The following RARS2 variants were observed in gnomAD, a reference collection of about 807,000 sequenced individuals.
RARS2 encodes the protein probable arginine--tRNA ligase, mitochondrial.
RARS2 carries 67 observed loss-of-function variants against 88.5 expected under a neutral mutation model. That is an observed-to-expected ratio of 0.76 (90% CI 0.62 to 0.93). The LOEUF (loss-of-function observed/expected upper bound fraction) is 0.93, where lower values mean the gene tolerates loss of function less well. Among genes scored for constraint, RARS2 ranks in the 40% least tolerant of loss-of-function variants. The pLI is 0.00. For synonymous variants in RARS2, 239 were observed against 230.3 expected, an observed-to-expected ratio of 1.04 and a Z score of -0.34; for missense variants, 664 against 684.2, an observed-to-expected ratio of 0.97 and a Z score of 0.33.
chr6:87,533,205 T>C (rs560403840), intron 8 of RARS2, among the ~76,000 whole-genome samples: 1 of 152,298 alleles, frequency 6.6e-6, no homozygotes, highest in African/African-American at 2.4e-5. Context: ...TTATGCATTA[T>C]GATATGACTA....
At chr6:87,545,485 G>GAA (rs67446155) in intron 7 of RARS2, 131 bp downstream of exon 7, 1,638 of 976,670 alleles carry the variant, frequency 1.7e-3, no homozygotes, top group African/African-American at 6.6e-3. Context: ...AGCCATTAGG[G>GAA]AAAAAAAAAA....
In RARS2 at chr6:87,545,703, G is replaced by C; in HGVS notation, c.452-4C>G. 2 of 1,612,240 alleles carry C rather than the reference G, an allele frequency of 1.2e-6. No homozygotes were observed. Among genetic ancestry groups the C allele is most frequent in the Non-Finnish European group, 1.7e-6 (2 of 1,179,100 alleles). ...TTGAGATTTGCTATAAAATTTCCTA[G>C]TAATCAATAAAGTATATAGTTTCTC... On this transcript the variant is annotated splice_region_variant and splice_polypyrimidine_tract_variant and intron_variant, in intron 6 of 19. Transcript: ENST00000369536.
chr6:87,522,155 C>T (rs907373300), intron 11 of RARS2, among the ~76,000 whole-genome samples: 1 of 151,946 alleles, frequency 6.6e-6, no homozygotes, highest in African/African-American at 2.4e-5. Context: ...CATGGTGAAA[C>T]CCCGTCTCTA....
At chr6:87,549,544 T>C (rs1270837950) in intron 5 of RARS2, among the ~76,000 whole-genome samples, 1 of 148,944 alleles carries the variant, frequency 6.7e-6, no homozygotes, top group Non-Finnish European at 1.5e-5. Flanking sequence ...AGATTCTGTC[T>C]GTAAAATTAA....
intron 4 of RARS2, among the ~76,000 whole-genome samples, chr6:87,560,149 T>C (rs932940034): frequency 6.6e-6 from 1 of 152,254 alleles, no homozygotes; most frequent in African/African-American, 2.4e-5. Flanking sequence ...TAACACCTAA[T>C]TATCTTTTTA....
chr6:87,544,387 G>C (rs1419432454), intron 7 of RARS2, among the ~76,000 whole-genome samples: 2 of 152,214 alleles, frequency 1.3e-5, no homozygotes, highest in Non-Finnish European at 2.9e-5. Context: ...AAGCACTGTA[G>C]ATATAAAAGT....
At chr6:87,577,822 T>C (rs1772048769) in intron 1 of RARS2, among the ~76,000 whole-genome samples, 1 of 152,218 alleles carries the variant, frequency 6.6e-6, no homozygotes, top group South Asian at 2.1e-4. Flanking sequence ...CTGTCTAAAT[T>C]TGAAACATGA....
chr6:87,555,574 A>T, intron 4 of RARS2, 69 bp from the exon 5 acceptor site: 1 of 1,253,888 alleles, frequency 8.0e-7, no homozygotes, highest in Non-Finnish European at 1.2e-6. Context: ...GTTACTGAGA[A>T]TTAAATGTTG....
Position 87,581,391 on chromosome 6 carries a change from C to T in RARS2, c.36+8531G>A, listed in dbSNP as rs1210849064. On this transcript the variant is annotated intron_variant, in intron 1 of 19. Transcript: ENST00000369536. ...TTGTTCCTCACTTCTGATTCTCCAACACTACCAAGTCAGGCACTGTAGGTT... is the reference window on the plus strand; with the variant it reads ...TTGTTCCTCACTTCTGATTCTCCAATACTACCAAGTCAGGCACTGTAGGTT... Among the ~76,000 whole-genome samples the T allele has an allele frequency of 5.3e-5, 8 of 152,236 alleles. 1 individual carries two copies. The East Asian group carries it at 1.5e-3, about 29-fold the overall frequency.
chr6:87,530,667 A>C (rs1402167468), intron 9 of RARS2, 117 bp downstream of exon 9: 1 of 1,367,808 alleles, frequency 7.3e-7, no homozygotes, highest in African/African-American at 1.4e-5. Flanking sequence ...TCTTAATTTT[A>C]AATTCACCTA....
intron 1 of RARS2, among the ~76,000 whole-genome samples, chr6:87,584,468 C>T (rs1774526603): frequency 6.6e-6 from 1 of 152,066 alleles, no homozygotes; most frequent in African/African-American, 2.4e-5. Context: ...GTGAGGTATC[C>T]CATAAATAGT....
rs1430234528 is a variant in RARS2 at position 87,531,049 on chromosome 6, T to A, written c.613-107A>T. 3.9e-6 allele frequency: 6 copies of A among 1,542,208 alleles called. 1 individual carries two copies. The South Asian group carries it at 7.0e-5, about 18-fold the overall frequency. On this transcript the variant is annotated intron_variant, in intron 8 of 19. Transcript: ENST00000369536. ...ATTCTGAGAATTCTCATTTAAAATTTTCCAAGTTGGGTACATTACAGAGTG... is the reference window on the plus strand; with the variant it reads ...ATTCTGAGAATTCTCATTTAAAATTATCCAAGTTGGGTACATTACAGAGTG...
intron 4 of RARS2, 97 bp from the exon 5 acceptor site, chr6:87,555,602 A>G (rs1785625652): frequency 1.0e-6 from 1 of 971,166 alleles, no homozygotes; most frequent in African/African-American, 1.6e-5. Context: ...GTTCACTCTA[A>G]TTTATGGAAC....
chr6:87,541,769 A>G (rs1781042097), intron 8 of RARS2, 149 bp downstream of exon 8: 1 of 592,616 alleles, frequency 1.7e-6, no homozygotes, highest in Admixed American at 2.3e-5. Flanking sequence ...GGTTGCAGTG[A>G]GCTGAGATTG....
chr6:87,524,350 CT>C, intron 11 of RARS2, among the ~76,000 whole-genome samples: 2 of 152,280 alleles, frequency 1.3e-5, no homozygotes, highest in South Asian at 4.1e-4. Context: ...AACCCCTGAG[CT>C]AATATGGTCA....
rs1402206411 is a variant in RARS2 at position 87,555,170 on chromosome 6, A to G, written c.395+238T>C. On this transcript the variant is annotated intron_variant, in intron 5 of 19. Coordinates refer to ENST00000369536, the MANE Select transcript of RARS2 (RefSeq NM_020320.5). ...AAAGTGAATAACTAGTTCTTCCAAAAAAGTAATTGTTAATACTTAAAAAAA... is the reference window on the plus strand; with the variant it reads ...AAAGTGAATAACTAGTTCTTCCAAAGAAGTAATTGTTAATACTTAAAAAAA... Among the ~76,000 whole-genome samples, 4 of 151,784 alleles carry G rather than the reference A, an allele frequency of 2.6e-5. No homozygotes were observed. The East Asian group carries it at 5.8e-4, about 22-fold the overall frequency.
At chr6:87,581,860 T>C (rs1773577315) in intron 1 of RARS2, among the ~76,000 whole-genome samples, 1 of 152,232 alleles carries the variant, frequency 6.6e-6, no homozygotes, top group South Asian at 2.1e-4. Context: ...GTGTTTGGTT[T>C]TTTGTTCCTG....
chr6:87,568,478 T>C (rs7742965), intron 2 of RARS2, among the ~76,000 whole-genome samples: 92,615 of 152,088 alleles, frequency 0.61, 29,026 homozygotes, highest in African/African-American at 0.75. Context: ...CCAGCTTGGG[T>C]GACAGAATGA....
At chr6:87,549,889 T>A (rs146502303) in intron 5 of RARS2, among the ~76,000 whole-genome samples, 300 of 151,738 alleles carry the variant, frequency 2.0e-3, no homozygotes, top group African/African-American at 7.0e-3. Context: ...CATATGGGGG[T>A]TAATTATACT....
Sources: gnomAD v4.1 joint callset for allele counts (sites outside exome capture counted in the v4.1 genomes callset) on GRCh38, gnomAD v4.1.1 for gene constraint, MANE v1.5 for transcripts, NCBI Gene and HGNC (gene_info 2026-07-23, HGNC 2026-07-21) for gene names.